Variants in TXNDC15 observed in about 807,000 individuals in gnomAD.
The protein encoded by TXNDC15 is thioredoxin domain containing 15.
TXNDC15 carries 24 observed loss-of-function variants against 35.0 expected under a neutral mutation model. The observed-to-expected ratio is 0.68, with a 90% confidence interval of 0.50 to 0.96. The LOEUF is 0.96. Ranked by LOEUF, TXNDC15 falls within the 40% of genes least tolerant of loss-of-function variation. The probability of loss-of-function intolerance (pLI) is 0.00; values close to 1 mark genes in which losing one functional copy is unlikely to be tolerated. For missense variants in TXNDC15, 385 were observed against 453.3 expected (o/e 0.85, Z 1.37); for synonymous variants, 169 against 174.0 (o/e 0.97, Z 0.23).
chr5:134,874,778 C>A (rs1749998348), intron 1 of TXNDC15, among the ~76,000 whole-genome samples: 1 of 152,230 alleles, frequency 6.6e-6, no homozygotes, highest in African/African-American at 2.4e-5. Context: ...CGCCCTCAGC[C>A]CGTGGCTGGT....
chr5:134,878,059 G>A (rs1167431734), intron 1 of TXNDC15, among the ~76,000 whole-genome samples: 4 of 152,054 alleles, frequency 2.6e-5, no homozygotes, highest in Admixed American at 6.6e-5. Context: ...ACAGGCGTGA[G>A]CCACTGCGCC....
At chr5:134,891,775 A>G (rs1750391895) in intron 2 of TXNDC15, among the ~76,000 whole-genome samples, 2 of 151,998 alleles carry the variant, frequency 1.3e-5, no homozygotes, top group African/African-American at 4.8e-5. Context: ...AAATACAAAA[A>G]CTTGCCAGGC....
At chr5:134,895,356 C>G (rs1410801130) in intron 3 of TXNDC15, among the ~76,000 whole-genome samples, 1 of 152,174 alleles carries the variant, frequency 6.6e-6, no homozygotes, top group Admixed American at 6.5e-5. Flanking sequence ...AAGGACAGAT[C>G]ACGTCAGTGT....
chr5:134,875,168 C>T (rs1750007088), intron 1 of TXNDC15: 1 of 456,126 alleles, frequency 2.2e-6, no homozygotes, highest in Non-Finnish European at 4.4e-6. Flanking sequence ...CGGGAGACTC[C>T]CGGTAACCCC....
chr5:134,874,640 G>C (rs981891311), intron 1 of TXNDC15, 110 bp downstream of exon 1: 1 of 871,156 alleles, frequency 1.1e-6, no homozygotes, highest in African/African-American at 1.8e-5. Context: ...GCCCCTTCTT[G>C]GCGTCTCCCC....
Position 134,887,830 on chromosome 5 carries a change from C to A in TXNDC15, c.239C>A (p.Ala80Glu). 1 of 1,614,160 alleles carries A rather than the reference C, an allele frequency of 6.2e-7. No homozygotes were observed. The highest frequency in any genetic ancestry group is 8.5e-7 in the Non-Finnish European group (1 of 1,180,024). ...GQDRAAEEAN[A>E]VLGLDTQGDH... ...GACAGGGCAGCAGAAGAGGCCAATG[C>A]GGTGCTGGGGCTGGACACCCAAGGC... Residue 80 changes from alanine to glutamate, a missense_variant, in exon 2 of 5, where the codon GCG (alanine) becomes GAG (glutamate). Physicochemically the swap from Ala to Glu is moderately radical, Grantham distance 107. Coordinates refer to ENST00000358387, the MANE Select transcript of TXNDC15 (RefSeq NM_024715.4).
At chr5:134,874,341 G>C (rs1749982745), upstream of TXNDC15, 1 of 1,178,088 alleles carries the variant, frequency 8.5e-7, no homozygotes, top group South Asian at 1.6e-5. Context: ...GGCCGCGCCC[G>C]CGCTCCCAGG....
chr5:134,890,876 TGTC>T (rs1300816995), intron 2 of TXNDC15, among the ~76,000 whole-genome samples: 1 of 152,254 alleles, frequency 6.6e-6, no homozygotes, highest in Admixed American at 6.5e-5. Flanking sequence ...CTAAATCCTT[TGTC>T]GTCATTTCAA....
chr5:134,876,492 C>A (rs970264360), intron 1 of TXNDC15, among the ~76,000 whole-genome samples: 4 of 152,218 alleles, frequency 2.6e-5, no homozygotes, highest in Non-Finnish European at 5.9e-5. Flanking sequence ...TCTACTGTTA[C>A]TGGCCTTGGA....
rs1326841586 is a variant in TXNDC15, at chr5:134,897,652, GAT to G, written c.886+1231_886+1232del. Among the ~76,000 whole-genome samples the G allele has an allele frequency of 2.6e-5, 4 of 152,178 alleles. No individual in the cohort carries two copies. In the East Asian group the frequency reaches 7.7e-4, roughly 29 times the overall value. ...ATTTTTCACTTAATATTTACACAAAGATATGCATAAGTCATGAGTGTACAGGG... is the reference window on the plus strand; with the variant it reads ...ATTTTTCACTTAATATTTACACAAAGATGCATAAGTCATGAGTGTACAGGG... On this transcript the variant is annotated intron_variant, in intron 4 of 4. Transcript: ENST00000358387.
chr5:134,885,484 G>A (rs983894799), intron 1 of TXNDC15, among the ~76,000 whole-genome samples: 8 of 152,162 alleles, frequency 5.3e-5, no homozygotes, highest in African/African-American at 1.9e-4. Context: ...CTTTCTGGTA[G>A]TTCTTTCTCT....
intron 4 of TXNDC15, among the ~76,000 whole-genome samples, chr5:134,898,896 GA>G (rs1285384224): frequency 6.6e-6 from 1 of 152,126 alleles, no homozygotes; most frequent in Non-Finnish European, 1.5e-5. Flanking sequence ...CCAACATGGT[GA>G]AACCTCGTCT....
chr5:134,888,983 C>T (rs1437209121), intron 2 of TXNDC15, among the ~76,000 whole-genome samples: 1 of 152,166 alleles, frequency 6.6e-6, no homozygotes, highest in East Asian at 1.9e-4. Context: ...TGCATTCACA[C>T]TGCTTATGTA....
intron 3 of TXNDC15, 33 bp downstream of exon 3, chr5:134,893,688 TC>T: frequency 1.2e-6 from 2 of 1,612,664 alleles, no homozygotes; most frequent in Non-Finnish European, 1.7e-6. Context: ...ACGTCCATCC[TC>T]CTGGCTGATG....
chr5:134,875,690 G>A (rs1288247216), intron 1 of TXNDC15, among the ~76,000 whole-genome samples: 1 of 151,266 alleles, frequency 6.6e-6, no homozygotes, highest in African/African-American at 2.4e-5. Context: ...TTTTTTTTGA[G>A]ATGGAGTCTC....
rs752784407 is a variant in TXNDC15 at position 134,887,982 on chromosome 5, T to A, written c.391T>A (p.Phe131Ile). 1 of 1,614,196 alleles carries A rather than the reference T, an allele frequency of 6.2e-7. No homozygotes were observed. The highest frequency in any genetic ancestry group is 1.1e-5 in the South Asian group (1 of 91,082). The change falls in exon 2 of 5, where the codon TTC becomes ATC. Residue 131 changes from phenylalanine to isoleucine, a missense_variant. Phe to Ile is a conservative substitution (Grantham distance 21, BLOSUM62 0). Transcript: ENST00000358387. Reference protein sequence around the residue: ...DSRCNVRESLFSLDGAGAHFP... With the variant: ...DSRCNVRESLISLDGAGAHFP... ...AAGGTGCAACGTCCGAGAGAGCCTT[T>A]TCTCTCTGGATGGCGCTGGAGCACA...
At chr5:134,881,504 G>A (rs1750143825) in intron 1 of TXNDC15, among the ~76,000 whole-genome samples, 1 of 93,014 alleles carries the variant, frequency 1.1e-5, no homozygotes, top group Non-Finnish European at 2.1e-5. Flanking sequence ...AGGGTTGGGG[G>A]TAAGGTCACA....
intron 4 of TXNDC15, among the ~76,000 whole-genome samples, chr5:134,898,203 C>T (rs1400039439): frequency 6.6e-6 from 1 of 152,114 alleles, no homozygotes; most frequent in Non-Finnish European, 1.5e-5. Flanking sequence ...TTTCATCCAA[C>T]AGTATGCTTG....
intron 1 of TXNDC15, among the ~76,000 whole-genome samples, chr5:134,882,967 A>G (rs988018668): frequency 2.0e-4 from 30 of 152,316 alleles, no homozygotes; most frequent in African/African-American, 7.2e-4. Flanking sequence ...CATCTCAGAC[A>G]TTGTAGTTAT....
Sources: allele counts gnomAD v4.1 joint callset (sites outside exome capture counted in the v4.1 genomes callset), GRCh38; gene constraint gnomAD v4.1.1; transcripts MANE v1.5; gene names NCBI Gene and HGNC (gene_info 2026-07-23, HGNC 2026-07-21).